Variants in RILPL1 observed in about 807,000 individuals in gnomAD.
The protein encoded by RILPL1 is RILP-like protein 1.
In RILPL1, 33 loss-of-function variants were observed where a neutral mutation model predicts 50.3. That is an observed-to-expected ratio of 0.66 (90% CI 0.50 to 0.88). The LOEUF (loss-of-function observed/expected upper bound fraction) is 0.88, where lower values mean the gene tolerates loss of function less well. Ranked by LOEUF, RILPL1 falls within the 40% of genes least tolerant of loss-of-function variation. The pLI, the probability that RILPL1 is intolerant of heterozygous loss-of-function variation, is 0.00. For synonymous variants in RILPL1, 205 were observed against 228.6 expected (o/e 0.90, Z 0.93); for missense variants, 418 against 542.5 (o/e 0.77, Z 2.28).
At chr12:123,523,754 TTCC>T in intron 1 of RILPL1, 109 bp from the exon 2 acceptor site, 1 of 1,312,532 alleles carries the variant, frequency 7.6e-7, no homozygotes, top group Non-Finnish European at 1.0e-6. Flanking sequence ...GGCCATCCCC[TTCC>T]TCGTGAGAAC....
At chr12:123,477,175 G>A (rs1023799847) in intron 6 of RILPL1, among the ~76,000 whole-genome samples, 4 of 152,226 alleles carry the variant, frequency 2.6e-5, no homozygotes, top group African/African-American at 9.6e-5. Flanking sequence ...TGCCACTAGA[G>A]CTTATTTTGA....
chr12:123,525,478 T>C (rs1166225676), intron 1 of RILPL1, among the ~76,000 whole-genome samples: 52 of 149,716 alleles, frequency 3.5e-4, no homozygotes, highest in African/African-American at 1.2e-3. Flanking sequence ...GGTGGGCAGA[T>C]CACTTGAGGT....
rs1257070492 is a variant in RILPL1 at position 123,533,130 on chromosome 12, C to T, written c.309+44G>A. On this transcript the variant is annotated intron_variant, in intron 1 of 6. Coordinates refer to ENST00000376874, the MANE Select transcript of RILPL1 (RefSeq NM_178314.5). This position sits in a 1 kb window ranked among gnomAD's most constrained non-coding sequence, Gnocchi z 6.2. Reference sequence around the variant, plus strand: ...CAATGCGGAAGAGCCCTTGGGTCCCCGCGGTCCCACTGCCCGGACGGACAG... The same window carrying T: ...CAATGCGGAAGAGCCCTTGGGTCCCTGCGGTCCCACTGCCCGGACGGACAG... 22 of 1,484,656 alleles carry T rather than the reference C, an allele frequency of 1.5e-5. No individual in the cohort carries two copies. In the East Asian group the frequency reaches 4.7e-4, roughly 32 times the overall value. The allele number at this position is 1,484,656 out of a possible 1,614,324, so 92.0% of individuals were successfully genotyped here. A position where few individuals can be genotyped will look rare whatever the true frequency, so the allele number is the denominator to read the frequency against.
Position 123,522,431 on chromosome 12 carries a change from G to A in RILPL1, c.460+1064C>T, listed in dbSNP as rs572112440. The stretch of plus-strand genomic sequence containing the variant: ...GGGCTCCAGTGCCATTCAGGTCTGG[G>A]ATGCCATCCCGGGCTGCTCACTGGT... On this transcript the variant is annotated intron_variant, in intron 2 of 6. Coordinates refer to ENST00000376874, the MANE Select transcript of RILPL1 (RefSeq NM_178314.5). This position sits in a 1 kb window ranked among gnomAD's most constrained non-coding sequence, Gnocchi z 4.0. Among the ~76,000 whole-genome samples the A allele has an allele frequency of 1.3e-5, 2 of 152,302 alleles. No homozygotes were observed. The highest frequency in any genetic ancestry group is 4.1e-4 in the South Asian group (2 of 4,822).
intron 2 of RILPL1, among the ~76,000 whole-genome samples, chr12:123,503,165 G>A (rs1032424370): frequency 2.1e-5 from 3 of 142,010 alleles, no homozygotes; most frequent in African/African-American, 7.9e-5. Context: ...GGATTTACAG[G>A]CGTGAACCAC....
intron 6 of RILPL1, chr12:123,473,996 T>TGAGA (rs1246090198): frequency 6.6e-5 from 10 of 152,218 alleles, no homozygotes; most frequent in Non-Finnish European, 1.0e-4. Context: ...GTGATTCTTC[T>TGAGA]GCCTCAGCAT....
intron 1 of RILPL1, among the ~76,000 whole-genome samples, chr12:123,530,427 A>C (rs766016968): frequency 6.6e-6 from 1 of 152,196 alleles, no homozygotes; most frequent in Non-Finnish European, 1.5e-5. Flanking sequence ...TGGCCCCCCA[A>C]AAGTGCTGGG....
At chr12:123,487,976 CCAGT>C (rs2139322249) in intron 4 of RILPL1, among the ~76,000 whole-genome samples, 1 of 152,190 alleles carries the variant, frequency 6.6e-6, no homozygotes, top group East Asian at 1.9e-4. Flanking sequence ...TGCAAGTCAG[CCAGT>C]CAATCTACAG....
chr12:123,510,888 GGTCT>G (rs1223726795), intron 2 of RILPL1, among the ~76,000 whole-genome samples: 1 of 147,834 alleles, frequency 6.8e-6, no homozygotes, highest in African/African-American at 2.5e-5. Context: ...GTGTGTGTGA[GGTCT>G]GTGTGTGTGT....
At position 123,472,371 on chromosome 12, in the gene RILPL1, G is replaced by A. The variant is rs540807021; in HGVS notation, c.*167C>T. 156 of 658,916 alleles carry A rather than the reference G, an allele frequency of 2.4e-4. 2 individuals carry two copies. The highest frequency in any genetic ancestry group is 1.5e-3 in the South Asian group (67 of 46,002). The allele number at this position is 658,916 out of a possible 1,614,324, so 40.8% of individuals were successfully genotyped here. On this transcript the variant is annotated 3_prime_UTR_variant, in exon 7 of 7. Coordinates refer to ENST00000376874, the MANE Select transcript of RILPL1 (RefSeq NM_178314.5). ...AATAAACATTTCTTTAGAGTTTGGC[G>A]TCAGTTTTTCAATGTCCATCCTCAA...
rs1486974860 is a variant in RILPL1 at position 123,533,625 on chromosome 12, G to GCGGGCGGCGGGCGCGGGCGCGGGCA, written c.-168_-144dup. ...CGCTGGGGCGAGGGCGCAGCGGGCA[G>GCGGGCGGCGGGCGCGGGCGCGGGCA]CGGGCGGCGGGCGCGGGCGCGGGCA... On this transcript the variant is annotated 5_prime_UTR_variant, in exon 1 of 7. Transcript: ENST00000376874. The surrounding 1 kb of genome is among the most constrained non-coding windows in gnomAD (Gnocchi z 6.2). 2.2e-6 allele frequency: 1 copy of GCGGGCGGCGGGCGCGGGCGCGGGCA among 455,140 alleles called. No homozygotes were observed. The highest frequency in any genetic ancestry group is 2.9e-6 in the Non-Finnish European group (1 of 348,000). 28.2% of individuals were successfully genotyped at this position (455,140 alleles called of 1,614,324 possible).
At chr12:123,483,071 C>G (rs1205519485) in intron 6 of RILPL1, among the ~76,000 whole-genome samples, 4 of 152,270 alleles carry the variant, frequency 2.6e-5, no homozygotes, top group Non-Finnish European at 5.9e-5. Flanking sequence ...CACGATCCGA[C>G]TGGCTTTCCA....
intron 2 of RILPL1, among the ~76,000 whole-genome samples, chr12:123,516,550 C>T (rs962065093): frequency 6.6e-6 from 1 of 152,232 alleles, no homozygotes; most frequent in Non-Finnish European, 1.5e-5. Context: ...AAGTCAGTTG[C>T]GTGGGAATCC....
At position 123,489,154 on chromosome 12, in the gene RILPL1, G is replaced by A. The variant is rs1269245025; in HGVS notation, c.802-3349C>T. 2.0e-5 allele frequency among the ~76,000 whole-genome samples: 3 copies of A among 152,194 alleles called. No individual in the cohort carries two copies. Among genetic ancestry groups the A allele is most frequent in the Admixed American group, 2.0e-4 (3 of 15,270 alleles). On this transcript the variant is annotated intron_variant, in intron 4 of 6. Coordinates refer to ENST00000376874, the MANE Select transcript of RILPL1 (RefSeq NM_178314.5). This position sits in a 1 kb window ranked among gnomAD's most constrained non-coding sequence, Gnocchi z 4.0. ...CCAACATTTACTGAGAGCTAACTTT[G>A]TGCCTTGCTGGCCGTGGAGCTCAGC...
In RILPL1 at chr12:123,485,506, A is replaced by T. The variant is rs550649066; in HGVS notation, c.974+127T>A. The T allele has an allele frequency of 1.1e-6, 1 of 873,790 alleles. No individual in the cohort carries two copies. Among genetic ancestry groups the T allele is most frequent in the Non-Finnish European group, 1.8e-6 (1 of 566,110 alleles). 54.1% of individuals were successfully genotyped at this position (873,790 alleles called of 1,614,324 possible). On this transcript the variant is annotated intron_variant, in intron 5 of 6. Coordinates refer to ENST00000376874, the MANE Select transcript of RILPL1 (RefSeq NM_178314.5). The surrounding 1 kb of genome is among the most constrained non-coding windows in gnomAD (Gnocchi z 4.0). ...CTTGTATGTAAGTTCTTTAGGCCAG[A>T]GAGGGTACCCAAAAAAAACACTGAT...
intron 2 of RILPL1, among the ~76,000 whole-genome samples, chr12:123,502,439 G>A (rs951548173): frequency 2.0e-5 from 3 of 151,972 alleles, no homozygotes; most frequent in South Asian, 2.1e-4. Flanking sequence ...TGGCTTTCCC[G>A]GGTTCCATTT....
intron 2 of RILPL1, among the ~76,000 whole-genome samples, chr12:123,505,063 C>T (rs896842167): frequency 1.3e-5 from 2 of 151,872 alleles, no homozygotes; most frequent in African/African-American, 4.8e-5. Context: ...TTTTTTGAGA[C>T]GGAGTCTCAC....
chr12:123,506,426 T>C (rs937815066), intron 2 of RILPL1, among the ~76,000 whole-genome samples: 2 of 152,072 alleles, frequency 1.3e-5, no homozygotes, highest in African/African-American at 2.4e-5. Context: ...GTAGGGGCTG[T>C]GCAAGGCAGG....
chr12:123,511,591 G>GGTTT (rs1884214079), intron 2 of RILPL1, among the ~76,000 whole-genome samples: 1 of 138,976 alleles, frequency 7.2e-6, no homozygotes, highest in Non-Finnish European at 1.6e-5. Flanking sequence ...GGTGGTGTGA[G>GGTTT]GTCTGTGTGT....
Sources: allele counts gnomAD v4.1 joint callset (sites outside exome capture counted in the v4.1 genomes callset), GRCh38; gene constraint gnomAD v4.1.1; non-coding constraint Gnocchi (gnomAD v3.1); transcripts MANE v1.5; gene names NCBI Gene and HGNC (gene_info 2026-07-23, HGNC 2026-07-21).